ZNF736: variants seen among roughly 807,000 people sequenced by gnomAD.
The protein encoded by ZNF736 is zinc finger protein 736, also known as KRAB-containing zinc-finger repressor protein.
ZNF736 carries 6 observed loss-of-function variants against 11.7 expected under a neutral mutation model. That is an observed-to-expected ratio of 0.51 (90% confidence interval 0.28 to 1.01). ZNF736 has a LOEUF of 1.01. ZNF736 is among the 50% of genes least tolerant of loss of function. The probability of loss-of-function intolerance (pLI) is 0.09; values close to 1 mark genes in which losing one functional copy is unlikely to be tolerated. For synonymous variants in ZNF736, 139 were observed against 164.7 expected, an observed-to-expected ratio of 0.84 and a Z score of 1.19; for missense variants, 444 against 496.0, an observed-to-expected ratio of 0.90 and a Z score of 1.00.
At position 64,336,955 on chromosome 7, in the gene ZNF736, A is replaced by G. The variant is rs1259479519; in HGVS notation, c.199A>G (p.Arg67Gly). The change falls in exon 3 of 4, where the codon AGA (arginine) becomes GGA (glycine). Residue 67 changes from arginine to glycine, a missense_variant. Transcript: ENST00000423484. Reference sequence around the variant, plus strand: ...AAGAAAAGAGCCTTGGAAAGTGAAGAGACAGGAGGCAGTAGCCAAACACCC... The same window carrying G: ...AAGAAAAGAGCCTTGGAAAGTGAAGGGACAGGAGGCAGTAGCCAAACACCC... ...EQRKEPWKVK[R>G]QEAVAKHPAG... The G allele has an allele frequency of 6.2e-7, 1 of 1,604,512 alleles. No homozygotes were observed. Among genetic ancestry groups the G allele is most frequent in the African/African-American group, 1.3e-5 (1 of 74,684 alleles).
rs1554304624 is a variant in ZNF736 at position 64,337,760 on chromosome 7, T to TG, written c.226+778_226+779insG. 1.6e-3 allele frequency among the ~76,000 whole-genome samples: 208 copies of TG among 126,344 alleles called. 2 individuals carry two copies. The highest frequency in any genetic ancestry group is 2.9e-3 in the Admixed American group (31 of 10,558). 82.9% of individuals were successfully genotyped at this position (126,344 alleles called of 152,430 possible). ...TGTTTTGTTTTGTTTTTTTTGGTTT[T>TG]TTTTTTTTTTTGAGACAGAGTTTTG... On this transcript the variant is annotated intron_variant, in intron 3 of 3. Transcript: ENST00000423484.
intron 1 of ZNF736, among the ~76,000 whole-genome samples, chr7:64,319,333 G>GTATGTATATATA (rs1788965551): frequency 4.2e-5 from 3 of 71,638 alleles, no homozygotes; most frequent in Admixed American, 1.7e-4. Context: ...GTGTGTATGT[G>GTATGTATATATA]TATATATATA....
chr7:64,352,782 G>A lies in ZNF736; in HGVS notation c.*3635G>A, dbSNP rs978712561. Reference sequence around the variant, plus strand: ...TGGGCTCTTCAAAGCCTGAAGGCTGGAATGGCTAAGTTGCTCAAGCAGCAA... The same window carrying A: ...TGGGCTCTTCAAAGCCTGAAGGCTGAAATGGCTAAGTTGCTCAAGCAGCAA... On this transcript the variant is annotated 3_prime_UTR_variant, in exon 4 of 4. Transcript: ENST00000423484. The A allele has an allele frequency of 6.6e-6, 1 of 152,308 alleles. No homozygotes were observed. Among genetic ancestry groups the A allele is most frequent in the African/African-American group, 2.4e-5 (1 of 41,444 alleles). 9.4% of individuals were successfully genotyped at this position (152,308 alleles called of 1,614,324 possible).
intron 3 of ZNF736, among the ~76,000 whole-genome samples, chr7:64,339,474 G>A (rs117975104): frequency 0.056 from 8,465 of 152,100 alleles, 376 homozygotes; most frequent in Admixed American, 0.14. Flanking sequence ...TGTAAGAAAA[G>A]TGGTCTAATT....
intron 3 of ZNF736, among the ~76,000 whole-genome samples, chr7:64,338,757 AT>A (rs1485486689): frequency 1.3e-5 from 2 of 151,288 alleles, no homozygotes; most frequent in South Asian, 2.1e-4. Context: ...AACACTTTAG[AT>A]TGCTTTTGTA....
chr7:64,328,807 A>AAGG (rs1789118066), intron 1 of ZNF736, among the ~76,000 whole-genome samples: 1 of 152,128 alleles, frequency 6.6e-6, no homozygotes, highest in East Asian at 1.9e-4. Flanking sequence ...TGTGCTTGGT[A>AAGG]TTCTATAACC....
intron 1 of ZNF736, among the ~76,000 whole-genome samples, chr7:64,333,030 A>G (rs1472388704): frequency 6.6e-6 from 1 of 152,230 alleles, no homozygotes; most frequent in East Asian, 1.9e-4. Context: ...CTGAGGTGAC[A>G]TACATCCTCA....
In ZNF736 at chr7:64,348,451, T is replaced by C. The variant is rs1199515742; in HGVS notation, c.588T>C (p.Thr196=). The change falls in exon 4 of 4, where the codon ACT becomes ACC. Residue 196 remains threonine (T), a synonymous_variant. Transcript: ENST00000423484. ...TTACTAGACATAAGAAAATTCATACTGTAGAGAGATGCTACAAATGTGAAG... is the reference window on the plus strand; with the variant it reads ...TTACTAGACATAAGAAAATTCATACCGTAGAGAGATGCTACAAATGTGAAG... The part of the protein sequence containing the change: ...SDFTRHKKIH[T]VERCYKCEEC... The C allele has an allele frequency of 1.4e-5, 21 of 1,549,570 alleles. No individual in the cohort carries two copies. Among genetic ancestry groups the C allele is most frequent in the Non-Finnish European group, 1.5e-5 (17 of 1,146,632 alleles).
Position 64,314,017 on chromosome 7 carries a change from G to T in ZNF736, c.-134G>T. 2 of 1,269,790 alleles carry T rather than the reference G, an allele frequency of 1.6e-6. No individual in the cohort carries two copies. Among genetic ancestry groups the T allele is most frequent in the Middle Eastern group, 2.5e-4 (1 of 4,012 alleles). 78.7% of individuals were successfully genotyped at this position (1,269,790 alleles called of 1,614,324 possible). On this transcript the variant is annotated 5_prime_UTR_variant, in exon 1 of 4. Transcript: ENST00000423484. ...TCCTAGCTTCCGGGCTCTGATCCTA[G>T]TTCGCGTCTCCACTGTTCCATCTCC...
chr7:64,348,487 A>G lies in ZNF736; in HGVS notation c.624A>G (p.Lys208=). The change falls in exon 4 of 4, where the codon AAA becomes AAG. Residue 208 remains lysine, a synonymous_variant. Coordinates refer to ENST00000423484, the MANE Select transcript of ZNF736 (RefSeq NM_001170905.3). ...ERCYKCEECG[K]AFKKFSNLTE... ...GCTACAAATGTGAAGAATGTGGCAA[A>G]GCGTTTAAAAAGTTTTCAAACCTTA... 6.4e-7 allele frequency: 1 copy of G among 1,558,054 alleles called. No individual in the cohort carries two copies.
intron 1 of ZNF736, among the ~76,000 whole-genome samples, chr7:64,334,205 C>A (rs933862572): frequency 2.0e-5 from 3 of 152,054 alleles, no homozygotes; most frequent in African/African-American, 7.2e-5. Context: ...AGAAGAAAAC[C>A]TAGGTAATAC....
At chr7:64,336,232 A>G (rs201946221) in intron 1 of ZNF736, 27 bp from the exon 2 acceptor site, 2 of 1,599,130 alleles carry the variant, frequency 1.3e-6, no homozygotes, top group African/African-American at 1.3e-5. Flanking sequence ...TTCTATGGTC[A>G]CTTGGTAAAT....
chr7:64,339,187 C>G (rs2115941844), intron 3 of ZNF736, among the ~76,000 whole-genome samples: 1 of 152,012 alleles, frequency 6.6e-6, no homozygotes, highest in African/African-American at 2.4e-5. Flanking sequence ...ATAGTTGTTG[C>G]CTTTTATTTG....
At chr7:64,323,309 A>G (rs1253475795) in intron 1 of ZNF736, among the ~76,000 whole-genome samples, 1 of 152,252 alleles carries the variant, frequency 6.6e-6, no homozygotes, top group Admixed American at 6.5e-5. Context: ...CATAACAAAT[A>G]TTAAACTACA....
rs1789544147 is a variant in ZNF736, at chr7:64,355,649, T to TGG, written c.*6504_*6505dup. On this transcript the variant is annotated 3_prime_UTR_variant, in exon 4 of 4. Transcript: ENST00000423484. ...CACCCACCTCAGCCTTCCAAAGTGC[T>TGG]GGGAATGCACATGTGAGCCACCGCG... 6.6e-6 allele frequency: 1 copy of TGG among 152,370 alleles called. No homozygotes were observed. Among genetic ancestry groups the TGG allele is most frequent in the Non-Finnish European group, 1.5e-5 (1 of 68,090 alleles). 9.4% of individuals were successfully genotyped at this position (152,370 alleles called of 1,614,324 possible).
intron 3 of ZNF736, among the ~76,000 whole-genome samples, chr7:64,347,557 T>A (rs796445024): frequency 4.8e-4 from 73 of 152,200 alleles, no homozygotes; most frequent in African/African-American, 1.7e-3. Context: ...GATCCCTTAG[T>A]CACTTGCTAT....
rs751840553 is a variant in ZNF736, at chr7:64,336,431, T to C, written c.130+46T>C. The C allele has an allele frequency of 2.3e-5, 34 of 1,499,486 alleles. No individual in the cohort carries two copies. The South Asian group carries it at 4.6e-4, about 20-fold the overall frequency. The allele number at this position is 1,499,486 out of a possible 1,614,324, so 92.9% of individuals were successfully genotyped here. On this transcript the variant is annotated intron_variant, in intron 2 of 3. Coordinates refer to ENST00000423484, the MANE Select transcript of ZNF736 (RefSeq NM_001170905.3). ...CAACTCATATTCTACATTAAATATT[T>C]TATTTTCTTCTGATTTTTTTGGAGG...
chr7:64,348,986 A>G lies in ZNF736; in HGVS notation c.1123A>G (p.Ser375Gly), dbSNP rs746374115. The change falls in exon 4 of 4, where the codon AGC becomes GGC. Residue 375 changes from serine (S) to glycine (G), a missense_variant. Coordinates refer to ENST00000423484, the MANE Select transcript of ZNF736 (RefSeq NM_001170905.3). ...EERPYKCEEC[S>G]KTFKCFSDLT... is the part of the protein sequence containing the mutation. ...GAGACCTTACAAATGTGAAGAATGC[A>G]GCAAAACCTTTAAGTGCTTCTCAGA... 1.4e-4 allele frequency: 228 copies of G among 1,589,640 alleles called. No individual in the cohort carries two copies. Among genetic ancestry groups the G allele is most frequent in the Non-Finnish European group, 1.9e-4 (225 of 1,167,426 alleles).
At chr7:64,340,676 C>T (rs1789324734) in intron 3 of ZNF736, among the ~76,000 whole-genome samples, 1 of 152,106 alleles carries the variant, frequency 6.6e-6, no homozygotes, top group South Asian at 2.1e-4. Context: ...TACAAAGTTG[C>T]TAGGATTACA....
Sources: gnomAD v4.1 joint callset for allele counts (sites outside exome capture counted in the v4.1 genomes callset) on GRCh38, gnomAD v4.1.1 for gene constraint, MANE v1.5 for transcripts, NCBI Gene and HGNC (gene_info 2026-07-23, HGNC 2026-07-21) for gene names.